The following ABCA13 variants were observed in gnomAD, a reference collection of about 807,000 sequenced individuals.
The protein encoded by ABCA13 is ATP-binding cassette sub-family A member 13.
A neutral mutation model predicts 478.7 loss-of-function variants in ABCA13; 476 were observed. The observed-to-expected ratio is 0.99, with a 90% CI of 0.92 to 1.07. The LOEUF is 1.07. Among genes scored for constraint, ABCA13 ranks in the 50% least tolerant of loss-of-function variants. ABCA13 has a pLI of 0.00. For synonymous variants in ABCA13, 2,252 were observed against 2,158.9 expected (o/e 1.04, Z -1.20); for missense variants, 6,060 against 5,910.6 (o/e 1.03, Z -0.83).
intron 31 of ABCA13, among the ~76,000 whole-genome samples, chr7:48,362,579 A>T (rs1741145737): frequency 6.6e-6 from 1 of 151,550 alleles, no homozygotes; most frequent in African/African-American, 2.4e-5. Context: ...ATAAAATGCA[A>T]TTATAAATTA....
chr7:48,382,428 G>A (rs192961279), intron 35 of ABCA13, among the ~76,000 whole-genome samples: 82 of 152,224 alleles, frequency 5.4e-4, no homozygotes, highest in African/African-American at 1.8e-3. Flanking sequence ...CTCTATTCCC[G>A]TTGTGCTGAT....
intron 58 of ABCA13, among the ~76,000 whole-genome samples, chr7:48,598,348 T>C (rs543142032): frequency 6.6e-6 from 1 of 152,332 alleles, no homozygotes; most frequent in African/African-American, 2.4e-5. Flanking sequence ...CACATCTTGG[T>C]TGCTTCCAAG....
chr7:48,181,444 A>G (rs1211295666), intron 1 of ABCA13, among the ~76,000 whole-genome samples: 1 of 152,072 alleles, frequency 6.6e-6, no homozygotes, highest in Admixed American at 6.5e-5. Context: ...TACTGAAATT[A>G]TACTTCATTC....
intron 32 of ABCA13, among the ~76,000 whole-genome samples, chr7:48,368,768 T>C (rs11974674): frequency 4.0e-5 from 5 of 125,466 alleles, no homozygotes; most frequent in Non-Finnish European, 6.8e-5. Flanking sequence ...TATACACACA[T>C]ATACATATAC....
At chr7:48,516,904 C>G (rs1382854959) in intron 52 of ABCA13, 23 bp downstream of exon 52, 1 of 1,608,184 alleles carries the variant, frequency 6.2e-7, no homozygotes, top group Admixed American at 1.7e-5. Context: ...GTAGCATCAC[C>G]TCTACACTTC....
chr7:48,372,290 T>G lies in ABCA13; in HGVS notation c.10926T>G (p.Phe3642Leu). ...TCGTTCTGAAAACAAGTGGCATCTTTGCACACAGCAATACCTTTATTGTTT... is the reference window on the plus strand; with the variant it reads ...TCGTTCTGAAAACAAGTGGCATCTTGGCACACAGCAATACCTTTATTGTTT... Reference protein sequence around the residue: ...LAIVLKTSGIFAHSNTFIVFL... With the variant: ...LAIVLKTSGILAHSNTFIVFL... The change falls in exon 33 of 62, where the codon TTT (phenylalanine) becomes TTG (leucine). Residue 3642 changes from phenylalanine to leucine, a missense_variant. Physicochemically the swap from Phe to Leu is conservative, Grantham distance 22. Transcript: ENST00000435803. 1.2e-6 allele frequency: 2 copies of G among 1,613,980 alleles called. No homozygotes were observed. Among genetic ancestry groups the G allele is most frequent in the Non-Finnish European group, 1.7e-6 (2 of 1,179,842 alleles).
At position 48,272,663 on chromosome 7, in the gene ABCA13, A is replaced by C; in HGVS notation, c.2997A>C (p.Ile999=). ...TQISKHILDI[I]KQFNFQNISK... ...TCTCAAAACACATTTTGGATATCAT[A>C]AAACAATTTAATTTCCAAAACATCA... Residue 999 remains isoleucine, a synonymous_variant, in exon 17 of 62, where the codon ATA becomes ATC. Transcript: ENST00000435803. 1 of 1,613,060 alleles carries C rather than the reference A, an allele frequency of 6.2e-7. No homozygotes were observed. Among genetic ancestry groups the C allele is most frequent in the Non-Finnish European group, 8.5e-7 (1 of 1,179,400 alleles).
intron 44 of ABCA13, 33 bp downstream of exon 44, chr7:48,467,078 A>C (rs1826963333): frequency 6.4e-7 from 1 of 1,573,106 alleles, no homozygotes; most frequent in Admixed American, 1.7e-5. Flanking sequence ...AAAAGTGAAC[A>C]CTCCCAACTG....
At chr7:48,635,721 G>T (rs1206168070) in intron 59 of ABCA13, among the ~76,000 whole-genome samples, 1 of 152,178 alleles carries the variant, frequency 6.6e-6, no homozygotes, top group Non-Finnish European at 1.5e-5. Context: ...TGTGTTCTTG[G>T]ATGCAGCAGG....
At chr7:48,301,174 G>C (rs1173227425) in intron 23 of ABCA13, among the ~76,000 whole-genome samples, 4 of 151,916 alleles carry the variant, frequency 2.6e-5, no homozygotes, top group Non-Finnish European at 5.9e-5. Context: ...AAGGGAGAGG[G>C]CATTCCCTGA....
chr7:48,578,788 T>C (rs1013676196), intron 55 of ABCA13, among the ~76,000 whole-genome samples: 3 of 152,124 alleles, frequency 2.0e-5, no homozygotes, highest in Admixed American at 2.0e-4. Flanking sequence ...TTACCTGACT[T>C]TAAGATTTAC....
At chr7:48,463,590 G>A (rs1395014582) in intron 43 of ABCA13, among the ~76,000 whole-genome samples, 1 of 152,104 alleles carries the variant, frequency 6.6e-6, no homozygotes, top group African/African-American at 2.4e-5. Flanking sequence ...ATGTGGCCTG[G>A]CCTGTAGAGA....
At chr7:48,220,654 C>G (rs1215316120) in intron 4 of ABCA13, among the ~76,000 whole-genome samples, 4 of 152,078 alleles carry the variant, frequency 2.6e-5, no homozygotes, top group African/African-American at 9.7e-5. Context: ...ACAATGGACC[C>G]AAAATGTATC....
intron 59 of ABCA13, among the ~76,000 whole-genome samples, chr7:48,637,660 T>A (rs1313733774): frequency 1.3e-5 from 2 of 152,134 alleles, no homozygotes; most frequent in Non-Finnish European, 2.9e-5. Context: ...ATCATGTTTG[T>A]TTAGCTGGTG....
chr7:48,517,508 AT>A (rs1243537306), intron 52 of ABCA13, among the ~76,000 whole-genome samples: 1 of 152,074 alleles, frequency 6.6e-6, no homozygotes, highest in Non-Finnish European at 1.5e-5. Context: ...TTAGCAAGTC[AT>A]TTCTTAAATG....
intron 5 of ABCA13, among the ~76,000 whole-genome samples, chr7:48,225,341 A>T (rs1025749131): frequency 6.6e-6 from 1 of 150,604 alleles, no homozygotes; most frequent in South Asian, 2.1e-4. Flanking sequence ...TGGTTTATTG[A>T]ATCCAAGGAT....
chr7:48,444,971 C>T, intron 42 of ABCA13, among the ~76,000 whole-genome samples: 1 of 151,930 alleles, frequency 6.6e-6, no homozygotes, highest in Non-Finnish European at 1.5e-5. Context: ...ATGCTCTACA[C>T]TGCAGCCAAG....
At chr7:48,637,150 A>G (rs1794702729) in intron 59 of ABCA13, among the ~76,000 whole-genome samples, 1 of 152,046 alleles carries the variant, frequency 6.6e-6, no homozygotes, top group Admixed American at 6.5e-5. Flanking sequence ...GTGTGCCTGC[A>G]GCAGAGCACC....
At chr7:48,196,547 G>T (rs1328640062) in intron 2 of ABCA13, among the ~76,000 whole-genome samples, 1 of 152,208 alleles carries the variant, frequency 6.6e-6, no homozygotes, top group Non-Finnish European at 1.5e-5. Flanking sequence ...GAGAAAGCCA[G>T]TCAGGAGCAT....
Sources: gnomAD v4.1 joint callset for allele counts (sites outside exome capture counted in the v4.1 genomes callset) on GRCh38, gnomAD v4.1.1 for gene constraint, MANE v1.5 for transcripts, NCBI Gene and HGNC (gene_info 2026-07-23, HGNC 2026-07-21) for gene names.